The following NAPRT variants were observed in gnomAD, a reference collection of about 807,000 sequenced individuals.
The protein encoded by NAPRT is FHA-HIT-interacting protein.
In NAPRT, 66 loss-of-function variants were observed where a neutral mutation model predicts 60.7. The observed-to-expected ratio is 1.09, with a 90% confidence interval of 0.89 to 1.33. NAPRT has a LOEUF of 1.33. NAPRT is among the 40% of genes most tolerant of loss of function. NAPRT has a pLI of 0.00. For missense variants in NAPRT, 818 were observed against 731.5 expected, an observed-to-expected ratio of 1.12 and a Z score of -1.36; for synonymous variants, 405 against 335.7, an observed-to-expected ratio of 1.21 and a Z score of -2.26.
At position 143,578,134 on chromosome 8, in the gene NAPRT, T is replaced by C. The variant is rs952783299; in HGVS notation, c.185A>G (p.Asp62Gly). 6 of 1,525,350 alleles carry C rather than the reference T, an allele frequency of 3.9e-6. No homozygotes were observed. Among genetic ancestry groups the C allele is most frequent in the Non-Finnish European group, 5.2e-6 (6 of 1,142,958 alleles). The allele number at this position is 1,525,350 out of a possible 1,614,324, so 94.5% of individuals were successfully genotyped here. Residue 62 changes from aspartate (D) to glycine (G), a missense_variant, in exon 1 of 13, where the codon GAC (aspartate) becomes GGC (glycine). Physicochemically the swap from Asp to Gly is moderately conservative, Grantham distance 94 (BLOSUM62 -1). Transcript: ENST00000449291. ...GAFALAAGLR[D>G]CVRFLRAFRL... The stretch of plus-strand genomic sequence containing the variant: ...GAAGGCGCGCAGGAAGCGCACACAG[T>C]CGCGCAAGCCGGCGGCCAAGGCGAA...
Position 143,577,354 on chromosome 8 carries a change from T to TG in NAPRT, c.482dup (p.Glu162ArgfsTer66), listed in dbSNP as rs750217273. 6 of 1,607,744 alleles carry TG rather than the reference T, an allele frequency of 3.7e-6. No individual in the cohort carries two copies. In the South Asian group the frequency reaches 6.7e-5, roughly 18 times the overall value. ...GGCCCATCTCTAGCAGCCGCTTCTC[T>TG]GGCCCTGCGATCAAGCGAAGCCGCG... On this transcript the variant is annotated frameshift_variant, in exon 4 of 13. Transcript: ENST00000449291. LOFTEE classifies it high-confidence loss of function.
chr8:143,577,043 G>C lies in NAPRT; in HGVS notation c.684+19C>G. The C allele has an allele frequency of 6.2e-7, 1 of 1,608,846 alleles. No homozygotes were observed. Among genetic ancestry groups the C allele is most frequent in the Non-Finnish European group, 8.5e-7 (1 of 1,176,482 alleles). The stretch of plus-strand genomic sequence containing the variant: ...GGGCCTGTCGCCTGGAGACAGCAGG[G>C]TTTAGAGGAGGGACTGACCGGGTCA... On this transcript the variant is annotated intron_variant, in intron 5 of 12. Transcript: ENST00000449291.
chr8:143,577,540 G>A lies in NAPRT; in HGVS notation c.437+117C>T, dbSNP rs1170097369. On this transcript the variant is annotated intron_variant, in intron 3 of 12. Transcript: ENST00000449291. Reference sequence around the variant, plus strand: ...TCCTTACACCCTGAAGAGTGGGGGCGGGAGGCCAGTCCTGGGACCCCTGGG... The same window carrying A: ...TCCTTACACCCTGAAGAGTGGGGGCAGGAGGCCAGTCCTGGGACCCCTGGG... 9.7e-6 allele frequency: 14 copies of A among 1,448,258 alleles called. No individual in the cohort carries two copies. The East Asian group carries it at 2.2e-4, about 23-fold the overall frequency. 89.7% of individuals were successfully genotyped at this position (1,448,258 alleles called of 1,614,324 possible). A position where few individuals can be genotyped will look rare whatever the true frequency, so the allele number is the denominator to read the frequency against.
downstream of NAPRT, chr8:143,574,657 G>T (rs534942109): frequency 1.6e-4 from 122 of 742,766 alleles, no homozygotes; most frequent in East Asian, 3.0e-3. Flanking sequence ...GGCAGGGCCT[G>T]TGCTTTCACT....
chr8:143,578,131 C>G lies in NAPRT; in HGVS notation c.188G>C (p.Cys63Ser), dbSNP rs1177650655. 3 of 1,527,534 alleles carry G rather than the reference C, an allele frequency of 2.0e-6. No individual in the cohort carries two copies. The highest frequency in any genetic ancestry group is 2.6e-6 in the Non-Finnish European group (3 of 1,144,200). The allele number at this position is 1,527,534 out of a possible 1,614,324, so 94.6% of individuals were successfully genotyped here. ...AFALAAGLRD[C>S]VRFLRAFRLR... ...GCGGAAGGCGCGCAGGAAGCGCACA[C>G]AGTCGCGCAAGCCGGCGGCCAAGGC... Residue 63 changes from cysteine (C) to serine (S), a missense_variant, in exon 1 of 13, where the codon TGT becomes TCT. Coordinates refer to ENST00000449291, the MANE Select transcript of NAPRT (RefSeq NM_145201.6).
chr8:143,575,130 T>A (rs1439584609), intron 11 of NAPRT, 37 bp from the exon 12 acceptor site: 2 of 1,562,878 alleles, frequency 1.3e-6, no homozygotes, highest in Admixed American at 3.8e-5. Context: ...AGCTTGGGGC[T>A]AGCTCCCAGT....
rs756070810 is a variant in NAPRT, at chr8:143,575,526, C to G, written c.1189-1G>C. ...GTGGCTGGCCCCCCACGGCCACCAG[C>G]TGCAGGAAGAGGGCGTTGAGCTGGC... On this transcript the variant is annotated splice_acceptor_variant, in intron 9 of 12. Coordinates refer to ENST00000449291, the MANE Select transcript of NAPRT (RefSeq NM_145201.6). LOFTEE classifies it high-confidence loss of function. 19 of 1,598,748 alleles carry G rather than the reference C, an allele frequency of 1.2e-5. No individual in the cohort carries two copies. Among genetic ancestry groups the G allele is most frequent in the Non-Finnish European group, 1.6e-5 (19 of 1,168,438 alleles).
Position 143,577,706 on chromosome 8 carries a change from CCAGGAGCGGCCCGGACACCTG to C in NAPRT, c.367_387del (p.Gln123_Leu129del), listed in dbSNP as rs752845491. The C allele has an allele frequency of 4.5e-6, 7 of 1,544,814 alleles. No individual in the cohort carries two copies. Among genetic ancestry groups the C allele is most frequent in the Non-Finnish European group, 5.2e-6 (6 of 1,148,234 alleles). On this transcript the variant is annotated inframe_deletion, in exon 3 of 13. Transcript: ENST00000449291. ...AGCGGTGTCTCCAGCAGCTGCACCA[CCAGGAGCGGCCCGGACACCTG>C]CAGGAGCGGCACCTGCGGGGAGAGA...
chr8:143,576,131 T>C lies in NAPRT; in HGVS notation c.1054A>G (p.Ile352Val), dbSNP rs768444187. The change falls in exon 8 of 13, where the codon ATC becomes GTC. Residue 352 changes from isoleucine to valine, a missense_variant. Coordinates refer to ENST00000449291, the MANE Select transcript of NAPRT (RefSeq NM_145201.6). ...TCGTCAATGTTGTTGCTGACTACGA[T>C]GAGGACTGACTCCAGCCAGGGCACC... ...FQVPWLESVLIVVSNNIDEEA... is the reference protein window; with the variant it reads ...FQVPWLESVLVVVSNNIDEEA... 8 of 1,606,784 alleles carry C rather than the reference T, an allele frequency of 5.0e-6. No individual in the cohort carries two copies. The highest frequency in any genetic ancestry group is 4.5e-5 in the East Asian group (2 of 44,624).
chr8:143,574,720 C>CCGCAGCCCGGGAGG (rs1554658801), downstream of NAPRT: 18 of 1,257,986 alleles, frequency 1.4e-5, no homozygotes, highest in African/African-American at 1.0e-4. Flanking sequence ...TCCAGCCCAG[C>CCGCAGCCCGGGAGG]CGCAGCCCGG....
intron 3 of NAPRT, 77 bp from the exon 4 acceptor site, chr8:143,577,476 G>C (rs1209948884): frequency 2.0e-6 from 3 of 1,511,202 alleles, no homozygotes; most frequent in East Asian, 4.8e-5. Context: ...CCTGGGGCCT[G>C]GAACTTCCAA....
rs1424824863 is a variant in NAPRT at position 143,578,172 on chromosome 8, C to T, written c.147G>A (p.Pro49=). 7 of 1,514,742 alleles carry T rather than the reference C, an allele frequency of 4.6e-6. No homozygotes were observed. Among genetic ancestry groups the T allele is most frequent in the Middle Eastern group, 1.9e-4 (1 of 5,310 alleles). The allele number at this position is 1,514,742 out of a possible 1,614,324, so 93.8% of individuals were successfully genotyped here. ...AEFELFFRRC[P]FGGAFALAAG... ...CGGCCAAGGCGAAGGCGCCGCCGAA[C>T]GGGCAGCGGCGGAAGAAGAGCTCGA... Residue 49 remains proline (P), a synonymous_variant, in exon 1 of 13, where the codon CCG becomes CCA. Transcript: ENST00000449291.
In NAPRT at chr8:143,578,322, G is replaced by T; in HGVS notation, c.-4C>A. On this transcript the variant is annotated 5_prime_UTR_variant, in exon 1 of 13. Coordinates refer to ENST00000449291, the MANE Select transcript of NAPRT (RefSeq NM_145201.6). Reference sequence around the variant, plus strand: ...CGGGGTCCTGCTCCGCCGCCATCCTGCTCCCGACGTCCGGACTCCGCCCCG... The same window carrying T: ...CGGGGTCCTGCTCCGCCGCCATCCTTCTCCCGACGTCCGGACTCCGCCCCG... The T allele has an allele frequency of 2.2e-6, 3 of 1,354,566 alleles. No homozygotes were observed. Among genetic ancestry groups the T allele is most frequent in the Non-Finnish European group, 1.9e-6 (2 of 1,062,212 alleles). 83.9% of individuals were successfully genotyped at this position (1,354,566 alleles called of 1,614,324 possible).
chr8:143,576,029 C>T lies in NAPRT; in HGVS notation c.1107+49G>A, dbSNP rs546482925. Reference sequence around the variant, plus strand: ...TGAGCCCAGCCAGAACCTGCAGGGGCCCCCAGAGCCCCCCAGCCACCCTCC... The same window carrying T: ...TGAGCCCAGCCAGAACCTGCAGGGGTCCCCAGAGCCCCCCAGCCACCCTCC... On this transcript the variant is annotated intron_variant, in intron 8 of 12. Transcript: ENST00000449291. 8.9e-6 allele frequency: 13 copies of T among 1,454,066 alleles called. No homozygotes were observed. The African/African-American group carries it at 1.3e-4, about 14-fold the overall frequency. 90.1% of individuals were successfully genotyped at this position (1,454,066 alleles called of 1,614,324 possible).
Position 143,577,669 on chromosome 8 carries a change from A to G in NAPRT, c.425T>C (p.Val142Ala). ...GCCCGCAGCCCACCTGGCGTAGCTGACCAGGCAGAGCAGCGGTGTCTCCAG... is the reference window on the plus strand; with the variant it reads ...GCCCGCAGCCCACCTGGCGTAGCTGGCCAGGCAGAGCAGCGGTGTCTCCAG... ...QLLETPLLCL[V>A]SYASLVATNA... The change falls in exon 3 of 13, where the codon GTC (valine) becomes GCC (alanine). Residue 142 changes from valine (V) to alanine (A), a missense_variant. Transcript: ENST00000449291. 1 of 1,539,376 alleles carries G rather than the reference A, an allele frequency of 6.5e-7. No homozygotes were observed. Among genetic ancestry groups the G allele is most frequent in the Non-Finnish European group, 8.7e-7 (1 of 1,146,866 alleles).
At chr8:143,576,054 C>T (rs747192778) in intron 8 of NAPRT, 24 bp downstream of exon 8, 5 of 1,550,212 alleles carry the variant, frequency 3.2e-6, no homozygotes, top group African/African-American at 1.4e-5. Context: ...AGCCACCCTC[C>T]GCCTACCCAC....
chr8:143,576,378 T>C, intron 7 of NAPRT, 54 bp downstream of exon 7: 2 of 1,563,274 alleles, frequency 1.3e-6, no homozygotes, highest in Non-Finnish European at 1.7e-6. Context: ...TCCCTGCCCA[T>C]TCCCAAACCC....
chr8:143,575,078 G>C lies in NAPRT; in HGVS notation c.1462C>G (p.Pro488Ala). 6.6e-7 allele frequency: 1 copy of C among 1,511,602 alleles called. No homozygotes were observed. The highest frequency in any genetic ancestry group is 8.9e-7 in the Non-Finnish European group (1 of 1,124,788). 93.6% of individuals were successfully genotyped at this position (1,511,602 alleles called of 1,614,324 possible). Residue 488 changes from proline (P) to alanine (A), a missense_variant, in exon 12 of 13, where the codon CCA becomes GCA. Transcript: ENST00000449291. The stretch of plus-strand genomic sequence containing the variant: ...AAGGCTCTAGACTCTGCCAGGGATG[G>C]GAGCGGCTCACACAGCTGCAGGGAG... Reference protein sequence around the residue: ...LQQGQLCEPLPSLAESRALAQ... With the variant: ...LQQGQLCEPLASLAESRALAQ...
chr8:143,574,762 G>A (rs1054289676), downstream of NAPRT: 20 of 1,532,754 alleles, frequency 1.3e-5, no homozygotes, highest in African/African-American at 1.6e-4. Flanking sequence ...GTGAACAAAC[G>A]ACACAAACAA....
Sources: allele counts gnomAD v4.1 joint callset, GRCh38; gene constraint gnomAD v4.1.1; transcripts MANE v1.5; gene names NCBI Gene and HGNC (gene_info 2026-07-23, HGNC 2026-07-21).